EPRS1: variants seen among roughly 807,000 people sequenced by gnomAD.
EPRS1 encodes the protein bifunctional glutamate/proline--tRNA ligase.
Under a neutral mutation model 188.3 loss-of-function variants are expected in EPRS1, and 107 were observed. The observed-to-expected ratio is 0.57, with a 90% CI of 0.49 to 0.67. The LOEUF is 0.67. Ranked by LOEUF, EPRS1 falls within the 30% of genes least tolerant of loss-of-function variation. EPRS1 has a pLI of 0.00. For synonymous variants in EPRS1, 596 were observed against 593.1 expected, an observed-to-expected ratio of 1.00 and a Z score of -0.07; for missense variants, 1,577 against 1,802.2, an observed-to-expected ratio of 0.88 and a Z score of 2.26.
At position 219,980,736 on chromosome 1, in the gene EPRS1, T is replaced by G. The variant is rs753809197; in HGVS notation, c.3555+20A>C. ...CAAAAATAATGGAACATAGTTAATATGGAAAATAACTTTTTATACCTCTTC... is the reference window on the plus strand; with the variant it reads ...CAAAAATAATGGAACATAGTTAATAGGGAAAATAACTTTTTATACCTCTTC... On this transcript the variant is annotated intron_variant, in intron 25 of 31. Coordinates refer to ENST00000366923, the MANE Select transcript of EPRS1 (RefSeq NM_004446.3). 19 of 1,541,058 alleles carry G rather than the reference T, an allele frequency of 1.2e-5. No homozygotes were observed. Among genetic ancestry groups the G allele is most frequent in the Admixed American group, 3.4e-5 (2 of 58,786 alleles).
chr1:220,043,776 C>G (rs1202454785), intron 1 of EPRS1, among the ~76,000 whole-genome samples: 1 of 152,142 alleles, frequency 6.6e-6, no homozygotes, highest in Non-Finnish European at 1.5e-5. Flanking sequence ...CTGTTATCTT[C>G]AGAAAGGTCA....
rs780627843 is a variant in EPRS1 at position 219,978,703 on chromosome 1, CAAGG to C, written c.3922_3925del (p.Pro1308ValfsTer15). On this transcript the variant is annotated frameshift_variant, in exon 28 of 32. Transcript: ENST00000366923. LOFTEE classifies it high-confidence loss of function. ...TTCAGAAAGTGCATTGGTAATGCCA[CAAGG>C]AATAATCACCACCTAGAATCAGCAC... The C allele has an allele frequency of 2.5e-6, 4 of 1,608,972 alleles. No homozygotes were observed. The highest frequency in any genetic ancestry group is 3.4e-6 in the Non-Finnish European group (4 of 1,177,716).
chr1:219,987,032 G>A (rs1187525310), intron 20 of EPRS1, 110 bp downstream of exon 20: 20 of 1,138,962 alleles, frequency 1.8e-5, no homozygotes, highest in East Asian at 1.4e-4. Context: ...TAGCTTTAGC[G>A]TTCTCTAACT....
intron 8 of EPRS1, among the ~76,000 whole-genome samples, chr1:220,022,852 G>A (rs1242894250): frequency 1.3e-5 from 2 of 152,194 alleles, no homozygotes; most frequent in African/African-American, 2.4e-5. Flanking sequence ...ATGGCACAAC[G>A]GGCCAGCCCC....
intron 28 of EPRS1, 133 bp from the exon 29 acceptor site, chr1:219,973,531 G>A (rs1342328722): frequency 0.016 from 5,707 of 356,562 alleles, 2 homozygotes; most frequent in East Asian, 0.024. Flanking sequence ...AAAAACAAGA[G>A]AAAAAAAAAA....
intron 26 of EPRS1, 120 bp downstream of exon 26, chr1:219,979,965 G>A (rs963166400): frequency 2.5e-5 from 21 of 837,906 alleles, no homozygotes; most frequent in Admixed American, 1.9e-4. Context: ...ATTATTATAC[G>A]AAAGTACATG....
chr1:220,033,398 T>C (rs1445222645), intron 4 of EPRS1, 104 bp downstream of exon 4: 5 of 771,642 alleles, frequency 6.5e-6, no homozygotes, highest in Non-Finnish European at 1.0e-5. Context: ...AACATATATA[T>C]ACACACACAT....
At position 220,034,895 on chromosome 1, in the gene EPRS1, CA is replaced by C. The variant is rs35247222; in HGVS notation, c.231+18del. 27 of 1,383,228 alleles carry C rather than the reference CA, an allele frequency of 2.0e-5. 1 individual carries two copies. Among genetic ancestry groups the C allele is most frequent in the Middle Eastern group, 1.8e-4 (1 of 5,642 alleles). 85.7% of individuals were successfully genotyped at this position (1,383,228 alleles called of 1,614,324 possible). A position where few individuals can be genotyped will look rare whatever the true frequency, so the allele number is the denominator to read the frequency against. On this transcript the variant is annotated intron_variant, in intron 3 of 31. Transcript: ENST00000366923. Reference sequence around the variant, plus strand: ...GAAGCATAAGACAAAACACACACAACAAAATGTTCATTGCTTACCTCAGTAT... The same window carrying C: ...GAAGCATAAGACAAAACACACACAACAAATGTTCATTGCTTACCTCAGTAT...
At chr1:219,985,048 A>AC (rs1366203628) in intron 20 of EPRS1, among the ~76,000 whole-genome samples, 5,076 of 149,700 alleles carry the variant, frequency 0.034, 249 homozygotes, top group African/African-American at 0.12. Context: ...CCGTCTCAAA[A>AC]GAAAAAAAAA....
At chr1:219,988,120 G>A (rs1661039595) in intron 19 of EPRS1, among the ~76,000 whole-genome samples, 1 of 152,170 alleles carries the variant, frequency 6.6e-6, no homozygotes, top group African/African-American at 2.4e-5. Context: ...ATGTGAATCT[G>A]TACAGAAAAA....
At chr1:219,986,783 A>ATGTGTG (rs55845197) in intron 20 of EPRS1, among the ~76,000 whole-genome samples, 15,913 of 150,058 alleles carry the variant, frequency 0.11, 1,007 homozygotes, top group East Asian at 0.22. Context: ...GAAAATATGT[A>ATGTGTG]TGTGTGTGTG....
intron 28 of EPRS1, among the ~76,000 whole-genome samples, chr1:219,975,504 T>C (rs1660759788): frequency 6.6e-6 from 1 of 152,204 alleles, no homozygotes; most frequent in Non-Finnish European, 1.5e-5. Flanking sequence ...TGGTGCAATC[T>C]GGGCTCACTG....
At chr1:220,031,977 T>C (rs1662091706) in intron 5 of EPRS1, among the ~76,000 whole-genome samples, 1 of 152,168 alleles carries the variant, frequency 6.6e-6, no homozygotes. Flanking sequence ...AAATGTCAGA[T>C]TCTTGCAAGA....
chr1:219,971,117 G>GT (rs1041146236), intron 30 of EPRS1, among the ~76,000 whole-genome samples: 12 of 152,092 alleles, frequency 7.9e-5, no homozygotes, highest in African/African-American at 2.9e-4. Flanking sequence ...AGTCAGAAGA[G>GT]TGATCTAAAT....
intron 18 of EPRS1, among the ~76,000 whole-genome samples, chr1:219,995,476 AG>A (rs1431816378): frequency 6.6e-6 from 1 of 152,224 alleles, no homozygotes; most frequent in Non-Finnish European, 1.5e-5. Context: ...CAACAGATAC[AG>A]TGCAAAATGC....
Position 219,982,793 on chromosome 1 carries a change from T to C in EPRS1, c.3352A>G (p.Ile1118Val), listed in dbSNP as rs547984260. ...GKTELAEPIA[I>V]RPTSETVMYP... ...TCACCTGTTTCACTAGTAGGACGAA[T>C]GGCAATTGGTTCTGCCAGCTCGGTT... Residue 1118 changes from isoleucine (I) to valine (V), a missense_variant, in exon 23 of 32, where the codon ATT becomes GTT. By Grantham distance (29) the Ile-to-Val change is conservative. This residue lies in a region of EPRS1 where 1,278 missense variants were observed against 1,457.4 expected (regional missense o/e 0.88). Coordinates refer to ENST00000366923, the MANE Select transcript of EPRS1 (RefSeq NM_004446.3). The C allele has an allele frequency of 2.6e-5, 42 of 1,614,100 alleles. 1 individual carries two copies. The highest frequency in any genetic ancestry group is 2.4e-4 in the South Asian group (22 of 91,086).
chr1:220,005,816 C>CTTTTTTTTTTTTT (rs1558052562), intron 15 of EPRS1, among the ~76,000 whole-genome samples: 1 of 122,826 alleles, frequency 8.1e-6, no homozygotes, highest in African/African-American at 3.5e-5. Context: ...TTACTTACAT[C>CTTTTTTTTTTTTT]GTTTTTTTTT....
At chr1:220,032,796 G>C (rs967761902) in intron 4 of EPRS1, among the ~76,000 whole-genome samples, 7 of 152,062 alleles carry the variant, frequency 4.6e-5, no homozygotes, top group African/African-American at 1.7e-4. Flanking sequence ...GAGGGTGGAT[G>C]ATTACAAAGC....
chr1:219,992,341 C>T (rs1277221659), intron 18 of EPRS1, among the ~76,000 whole-genome samples: 1 of 152,212 alleles, frequency 6.6e-6, no homozygotes, highest in Non-Finnish European at 1.5e-5. Context: ...CTCCCCTCCA[C>T]ATAGACTGGG....
Sources: gnomAD v4.1 joint callset for allele counts (sites outside exome capture counted in the v4.1 genomes callset) on GRCh38, gnomAD v4.1.1 for gene constraint, gnomAD v4.1.1 regional missense constraint, MANE v1.5 for transcripts, NCBI Gene and HGNC (gene_info 2026-07-23, HGNC 2026-07-21) for gene names.